S100A8: variants seen among roughly 807,000 people sequenced by gnomAD.
The protein encoded by S100A8 is protein S100-A8.
S100A8 carries 1 observed loss-of-function variant against 4.2 expected under a neutral mutation model. The observed-to-expected ratio is 0.24, with a 90% confidence interval of 0.08 to 1.12. The LOEUF is 1.12. Among genes scored for constraint, S100A8 ranks in the 50% most tolerant of loss-of-function variants. The pLI, the probability that S100A8 is intolerant of heterozygous loss-of-function variation, is 0.53. For synonymous variants in S100A8, 41 were observed against 44.7 expected (o/e 0.92, Z 0.33); for missense variants, 96 against 111.8 (o/e 0.86, Z 0.64).
upstream of S100A8, among the ~76,000 whole-genome samples, chr1:153,393,860 A>G (rs377390056): frequency 9.8e-5 from 15 of 152,338 alleles, no homozygotes; most frequent in East Asian, 1.4e-3. Context: ...ACTGAGGCAC[A>G]GGGCATTACT....
chr1:153,402,319 G>A, the S100A8 span, among the ~76,000 whole-genome samples: 1 of 152,168 alleles, frequency 6.6e-6, no homozygotes, highest in African/African-American at 2.4e-5. Context: ...GTAATGCAGA[G>A]GCACATTTCT....
the S100A8 span, among the ~76,000 whole-genome samples, chr1:153,409,406 T>A: frequency 6.6e-6 from 1 of 152,090 alleles, no homozygotes; most frequent in Non-Finnish European, 1.5e-5. Flanking sequence ...GGTAAAGGGG[T>A]CAATTCAACA....
chr1:153,405,893 C>T, the S100A8 span, among the ~76,000 whole-genome samples: 1 of 152,094 alleles, frequency 6.6e-6, no homozygotes, highest in South Asian at 2.1e-4. Flanking sequence ...GAACTGAGTC[C>T]TAATAACCTC....
chr1:153,397,657 T>G, the S100A8 span, among the ~76,000 whole-genome samples: 1 of 152,086 alleles, frequency 6.6e-6, no homozygotes, highest in African/African-American at 2.4e-5. Flanking sequence ...TGAGGACCAG[T>G]GTGAAGCCCT....
the S100A8 span, among the ~76,000 whole-genome samples, chr1:153,400,688 A>G: frequency 1.3e-5 from 2 of 152,338 alleles, no homozygotes; most frequent in South Asian, 2.1e-4. Flanking sequence ...AACTAAAAAC[A>G]TGGCTTGAAT....
the S100A8 span, among the ~76,000 whole-genome samples, chr1:153,401,622 G>A: frequency 1.3e-5 from 2 of 152,166 alleles, no homozygotes; most frequent in African/African-American, 2.4e-5. Context: ...AAGGAGTAGC[G>A]CTTTCTGGTG....
the S100A8 span, among the ~76,000 whole-genome samples, chr1:153,418,385 G>C: frequency 6.6e-6 from 1 of 152,186 alleles, no homozygotes. Context: ...TCTAAGGATG[G>C]TAGGCGAAAA....
chr1:153,396,977 C>A, the S100A8 span, among the ~76,000 whole-genome samples: 2 of 152,224 alleles, frequency 1.3e-5, no homozygotes, highest in African/African-American at 2.4e-5. Flanking sequence ...CCCCCATAAC[C>A]GAGCCTGGAG....
At chr1:153,391,458 T>C (rs1316221864), upstream of S100A8, among the ~76,000 whole-genome samples, 2 of 152,226 alleles carry the variant, frequency 1.3e-5, no homozygotes, top group Non-Finnish European at 2.9e-5. Context: ...TGCATCATTT[T>C]GAGTGCATGC....
At chr1:153,407,945 TC>T in the S100A8 span, among the ~76,000 whole-genome samples, 1 of 152,144 alleles carries the variant, frequency 6.6e-6, no homozygotes, top group Non-Finnish European at 1.5e-5. Context: ...AGAAAGGACA[TC>T]CACGCCAAAA....
At chr1:153,405,624 G>T in the S100A8 span, among the ~76,000 whole-genome samples, 8 of 152,168 alleles carry the variant, frequency 5.3e-5, no homozygotes, top group African/African-American at 1.9e-4. Flanking sequence ...TCCTCCCGGC[G>T]AGCTAGCCAT....
At chr1:153,390,708 G>A (rs764546029) in intron 1 of S100A8, 151 bp from the exon 2 acceptor site, 41 of 954,614 alleles carry the variant, frequency 4.3e-5, no homozygotes, top group Middle Eastern at 2.8e-4. Flanking sequence ...GCTCTGGTGG[G>A]AAGGGTGGGA....
At chr1:153,400,647 A>C in the S100A8 span, among the ~76,000 whole-genome samples, 2 of 152,342 alleles carry the variant, frequency 1.3e-5, no homozygotes, top group East Asian at 3.9e-4. Flanking sequence ...CCAGCAAACA[A>C]GTGGTTCATC....
the S100A8 span, among the ~76,000 whole-genome samples, chr1:153,406,939 G>A: frequency 6.6e-6 from 1 of 152,222 alleles, no homozygotes; most frequent in Non-Finnish European, 1.5e-5. Flanking sequence ...TTTGATTTTA[G>A]CAAAAACAAA....
At chr1:153,414,365 C>T in the S100A8 span, among the ~76,000 whole-genome samples, 2 of 152,198 alleles carry the variant, frequency 1.3e-5, no homozygotes, top group African/African-American at 4.8e-5. Flanking sequence ...ACATATCAGA[C>T]TTTGTATGTT....
the S100A8 span, chr1:153,422,554 A>G: frequency 1.0e-6 from 1 of 984,842 alleles, no homozygotes; most frequent in African/African-American, 1.7e-5. Context: ...GGAAATCCAA[A>G]TGTTCCCCAG....
chr1:153,390,462 T>A lies in S100A8; in HGVS notation c.74A>T (p.Asn25Ile), dbSNP rs758347161. 6.2e-7 allele frequency: 1 copy of A among 1,614,176 alleles called. No homozygotes were observed. Among genetic ancestry groups the A allele is most frequent in the Non-Finnish European group, 8.5e-7 (1 of 1,180,030 alleles). The change falls in exon 2 of 3, where the codon AAT becomes ATT. Residue 25 changes from asparagine (N) to isoleucine (I), a missense_variant. Coordinates refer to ENST00000368733, the MANE Select transcript of S100A8 (RefSeq NM_002964.5). ...GTCATCCCTGTAGACGGCATGGAAA[T>A]TCCCCTTTATCAGGGAGTACTTGTG... ...VYHKYSLIKG[N>I]FHAVYRDDLK...
At chr1:153,410,913 T>C in the S100A8 span, among the ~76,000 whole-genome samples, 2 of 152,176 alleles carry the variant, frequency 1.3e-5, no homozygotes, top group Non-Finnish European at 2.9e-5. Context: ...GAAAAGGCCT[T>C]TGACAAAATT....
upstream of S100A8, chr1:153,391,104 C>A (rs889478017): frequency 4.1e-6 from 4 of 985,712 alleles, no homozygotes; most frequent in East Asian, 1.1e-4. Flanking sequence ...CTTTTTATAG[C>A]GGTTAGGCTT....
Sources: allele counts gnomAD v4.1 joint callset (sites outside exome capture counted in the v4.1 genomes callset), GRCh38; gene constraint gnomAD v4.1.1; transcripts MANE v1.5; gene names NCBI Gene and HGNC (gene_info 2026-07-23, HGNC 2026-07-21).